The following REDIC1 variants were observed in gnomAD, a reference collection of about 807,000 sequenced individuals.
REDIC1 encodes regulator of DNA class I crossover intermediates 1, also known as HEI10 Interacting Protein 1.
the REDIC1 span, among the ~76,000 whole-genome samples, chr12:39,667,776 ATAGT>A: frequency 6.6e-6 from 1 of 152,132 alleles, no homozygotes; most frequent in Non-Finnish European, 1.5e-5. Flanking sequence ...TATATTTAGG[ATAGT>A]TAGCTCTTCT....
the REDIC1 span, chr12:39,721,411 T>G: frequency 1.7e-6 from 1 of 602,094 alleles, no homozygotes. Flanking sequence ...TTAAAACATT[T>G]TAATATTATT....
chr12:39,807,022 C>T, the REDIC1 span, among the ~76,000 whole-genome samples: 1 of 151,952 alleles, frequency 6.6e-6, no homozygotes, highest in African/African-American at 2.4e-5. Flanking sequence ...GACAACGTTC[C>T]AGAAATGAAA....
the REDIC1 span, chr12:39,626,503 A>G: frequency 9.8e-7 from 1 of 1,021,544 alleles, no homozygotes. Context: ...CGGGTTGGAG[A>G]CTCTAGAACC....
At chr12:39,710,638 A>C in the REDIC1 span, among the ~76,000 whole-genome samples, 2 of 151,816 alleles carry the variant, frequency 1.3e-5, no homozygotes, top group Non-Finnish European at 2.9e-5. Flanking sequence ...TCATCATTCA[A>C]AACGTACTCT....
the REDIC1 span, among the ~76,000 whole-genome samples, chr12:39,689,013 C>T: frequency 4.2e-3 from 645 of 152,246 alleles, 4 homozygotes; most frequent in Middle Eastern, 0.031. Flanking sequence ...GAGCTGCCAC[C>T]ATGAAATGGC....
At chr12:39,815,172 T>A in the REDIC1 span, among the ~76,000 whole-genome samples, 1 of 152,150 alleles carries the variant, frequency 6.6e-6, no homozygotes, top group African/African-American at 2.4e-5. Context: ...ATTCTCTACA[T>A]TATACCAGAG....
the REDIC1 span, among the ~76,000 whole-genome samples, chr12:39,738,383 T>C: frequency 6.6e-6 from 1 of 152,164 alleles, no homozygotes; most frequent in African/African-American, 2.4e-5. Flanking sequence ...TTAGACAAAG[T>C]GAATGCATAA....
the REDIC1 span, among the ~76,000 whole-genome samples, chr12:39,709,708 C>A: frequency 6.6e-6 from 1 of 151,536 alleles, no homozygotes; most frequent in East Asian, 1.9e-4. Flanking sequence ...TTCAATTGTA[C>A]GTGTATGCCA....
At chr12:39,754,288 A>G in the REDIC1 span, 3 of 152,114 alleles carry the variant, frequency 2.0e-5, no homozygotes, top group South Asian at 2.1e-4. Context: ...TTTTCTGCCC[A>G]CTGATACTGA....
At chr12:39,635,021 A>G in the REDIC1 span, among the ~76,000 whole-genome samples, 1 of 152,222 alleles carries the variant, frequency 6.6e-6, no homozygotes, top group Non-Finnish European at 1.5e-5. Flanking sequence ...CACCCAACAG[A>G]CACAACAGAC....
the REDIC1 span, among the ~76,000 whole-genome samples, chr12:39,697,920 T>C: frequency 6.6e-6 from 1 of 152,190 alleles, no homozygotes; most frequent in Non-Finnish European, 1.5e-5. Context: ...ATAATGACTT[T>C]GACTGTCAAT....
the REDIC1 span, among the ~76,000 whole-genome samples, chr12:39,632,423 GTT>G: frequency 6.6e-6 from 1 of 152,066 alleles, no homozygotes; most frequent in Non-Finnish European, 1.5e-5. Flanking sequence ...TTTGAAAATG[GTT>G]TTTGTATAAA....
At chr12:39,656,908 G>C in the REDIC1 span, among the ~76,000 whole-genome samples, 1 of 152,130 alleles carries the variant, frequency 6.6e-6, no homozygotes, top group African/African-American at 2.4e-5. Flanking sequence ...TTTGTTTTAA[G>C]CTAAGTTATT....
chr12:39,803,248 A>G, the REDIC1 span, among the ~76,000 whole-genome samples: 1 of 152,062 alleles, frequency 6.6e-6, no homozygotes, highest in Admixed American at 6.5e-5. Flanking sequence ...AGCTCTCAAC[A>G]GAGGCTGCAC....
chr12:39,688,271 G>A, the REDIC1 span, among the ~76,000 whole-genome samples: 5 of 152,108 alleles, frequency 3.3e-5, no homozygotes, highest in Admixed American at 3.3e-4. Context: ...AGTTTGTTTT[G>A]GGTTATTAGT....
At chr12:39,662,686 A>G in the REDIC1 span, among the ~76,000 whole-genome samples, 3,076 of 152,102 alleles carry the variant, frequency 0.02, 41 homozygotes, top group South Asian at 0.029. Flanking sequence ...GAGTGGTGAA[A>G]GAGCATCTTT....
the REDIC1 span, among the ~76,000 whole-genome samples, chr12:39,868,261 T>C: frequency 1.3e-5 from 2 of 152,228 alleles, no homozygotes; most frequent in Admixed American, 6.5e-5. Flanking sequence ...TATTAGATTT[T>C]GGAATTTTGA....
chr12:39,772,728 G>A, the REDIC1 span, among the ~76,000 whole-genome samples: 12 of 152,248 alleles, frequency 7.9e-5, no homozygotes, highest in Admixed American at 4.6e-4. Flanking sequence ...TACTCTTTTC[G>A]TTATTATCAC....
the REDIC1 span, among the ~76,000 whole-genome samples, chr12:39,690,551 T>C: frequency 6.6e-6 from 1 of 152,152 alleles, no homozygotes; most frequent in African/African-American, 2.4e-5. Flanking sequence ...TGATAGCAAT[T>C]AACATATTGA....
Sources: gnomAD v4.1 joint callset for allele counts (sites outside exome capture counted in the v4.1 genomes callset) on GRCh38, gnomAD v4.1.1 for gene constraint, MANE v1.5 for transcripts, NCBI Gene and HGNC (gene_info 2026-07-23, HGNC 2026-07-21) for gene names.